DLGAP2: variants seen among roughly 807,000 people sequenced by gnomAD.
DLGAP2 encodes DLG associated protein 2.
In DLGAP2, 26 loss-of-function variants were observed where a neutral mutation model predicts 100.3. The ratio of observed to expected loss-of-function variants is 0.26; its 90% CI spans 0.19 to 0.36. The LOEUF is 0.36. DLGAP2 is among the 10% of genes least tolerant of loss of function. The pLI is 1.00. For synonymous variants in DLGAP2, 886 were observed against 630.1 expected (o/e 1.41, Z -6.08); for missense variants, 1,858 against 1,453.2 (o/e 1.28, Z -4.53).
chr8:927,841 T>TA, intron 2 of DLGAP2, among the ~76,000 whole-genome samples: 1 of 151,934 alleles, frequency 6.6e-6, no homozygotes, highest in Non-Finnish European at 1.5e-5. Context: ...AGGGCAGAGT[T>TA]CAGAGAGCTA....
intron 2 of DLGAP2, among the ~76,000 whole-genome samples, chr8:976,560 C>T (rs189914834): frequency 2.8e-4 from 42 of 152,026 alleles, no homozygotes; most frequent in Non-Finnish European, 5.1e-4. Context: ...TGCAGTGAGG[C>T]GAGATTGCGC....
At chr8:1,500,815 G>A (rs1033530543) in intron 3 of DLGAP2, among the ~76,000 whole-genome samples, 1 of 152,244 alleles carries the variant, frequency 6.6e-6, no homozygotes, top group African/African-American at 2.4e-5. Context: ...TCTCCCAACA[G>A]AGGGAAATTA....
rs778840210 is a variant in DLGAP2 at position 1,114,167 on chromosome 8, G to C, written c.74-144684G>C. Among the ~76,000 whole-genome samples the C allele has an allele frequency of 2.0e-5, 3 of 151,996 alleles. No individual in the cohort carries two copies. The South Asian group carries it at 6.2e-4, about 32-fold the overall frequency. On this transcript the variant is annotated intron_variant, in intron 2 of 14. Coordinates refer to ENST00000637795, the MANE Select transcript of DLGAP2 (RefSeq NM_001346810.2). Reference sequence around the variant, plus strand: ...TATTGGCCTGAAGTTTTCTTTTTTTGTTGTGTCTCTGCCAGGTTTTGGTAT... The same window carrying C: ...TATTGGCCTGAAGTTTTCTTTTTTTCTTGTGTCTCTGCCAGGTTTTGGTAT...
At chr8:1,465,978 G>C (rs1475215893) in intron 3 of DLGAP2, among the ~76,000 whole-genome samples, 1 of 152,220 alleles carries the variant, frequency 6.6e-6, no homozygotes, top group African/African-American at 2.4e-5. Context: ...GGAGGTCAGA[G>C]AGAGACTCCC....
intron 2 of DLGAP2, among the ~76,000 whole-genome samples, chr8:1,025,442 C>G (rs1801770079): frequency 6.6e-6 from 1 of 152,162 alleles, no homozygotes; most frequent in African/African-American, 2.4e-5. Context: ...AGCCCATTTT[C>G]TGGTTGGAAA....
intron 12 of DLGAP2, among the ~76,000 whole-genome samples, chr8:1,681,651 A>C (rs966417727): frequency 6.6e-6 from 1 of 151,722 alleles, no homozygotes; most frequent in Non-Finnish European, 1.5e-5. Context: ...CTCAAAAAAG[A>C]AAGAAAGAAA....
At chr8:912,116 A>C (rs556360334) in intron 2 of DLGAP2, among the ~76,000 whole-genome samples, 1 of 152,326 alleles carries the variant, frequency 6.6e-6, no homozygotes, top group South Asian at 2.1e-4. Context: ...GCCACGAATA[A>C]TTAGAAGTTT....
intron 4 of DLGAP2, among the ~76,000 whole-genome samples, chr8:1,540,800 T>C (rs934043328): frequency 4.6e-5 from 7 of 152,240 alleles, no homozygotes; most frequent in Non-Finnish European, 1.0e-4. Context: ...ATACAACCAT[T>C]TCTGGATAAT....
intron 10 of DLGAP2, among the ~76,000 whole-genome samples, chr8:1,671,649 G>A (rs1798693675): frequency 6.6e-6 from 1 of 152,206 alleles, no homozygotes; most frequent in African/African-American, 2.4e-5. Context: ...CGTCTAACGT[G>A]ATCCCTAATG....
intron 1 of DLGAP2, among the ~76,000 whole-genome samples, chr8:747,700 GGTCTGTGGTGGAATGAACGT>G (rs1291488842): frequency 5.4e-5 from 6 of 111,950 alleles, no homozygotes; most frequent in East Asian, 2.6e-4. Context: ...GGGATGGGCG[GGTCTGTGGTGGAATGAACGT>G]GTCTGCGGTG....
At chr8:855,455 G>C (rs1408942519) in intron 1 of DLGAP2, among the ~76,000 whole-genome samples, 1 of 152,200 alleles carries the variant, frequency 6.6e-6, no homozygotes, top group Admixed American at 6.5e-5. Flanking sequence ...AGAGAGGCAG[G>C]AGAATCAGGA....
At chr8:1,408,803 T>C (rs1796647437) in intron 3 of DLGAP2, among the ~76,000 whole-genome samples, 1 of 151,986 alleles carries the variant, frequency 6.6e-6, no homozygotes, top group Admixed American at 6.6e-5. Flanking sequence ...CGTCTGTCAC[T>C]TTCACTGCGT....
chr8:787,642 T>C (rs531991193), intron 1 of DLGAP2, among the ~76,000 whole-genome samples: 1 of 152,324 alleles, frequency 6.6e-6, no homozygotes, highest in Non-Finnish European at 1.5e-5. Flanking sequence ...GCCGGTGGCC[T>C]CTTCCCCCCT....
At chr8:1,228,042 C>T (rs985547776) in intron 2 of DLGAP2, among the ~76,000 whole-genome samples, 16 of 151,348 alleles carry the variant, frequency 1.1e-4, no homozygotes, top group African/African-American at 3.6e-4. Flanking sequence ...AACACTTGGA[C>T]ACAGGAAGGG....
chr8:1,227,571 G>A (rs1381342974), intron 2 of DLGAP2, among the ~76,000 whole-genome samples: 2 of 151,410 alleles, frequency 1.3e-5, no homozygotes, highest in Non-Finnish European at 2.9e-5. Context: ...CTGGCTCACT[G>A]CAAACTCCAC....
rs142842839 is a variant in DLGAP2, at chr8:1,676,874, G to C, written c.2288+256G>C. 4.2e-3 allele frequency among the ~76,000 whole-genome samples: 638 copies of C among 152,344 alleles called. 4 individuals carry two copies. The highest frequency in any genetic ancestry group is 0.015 in the African/African-American group (605 of 41,572). On this transcript the variant is annotated intron_variant, in intron 11 of 14. Transcript: ENST00000637795. ...CTGAAAGCAGAGCAGCTGACGGCCT[G>C]AAAGTCAGAGTCCTTGATCCAAAGG...
intron 2 of DLGAP2, among the ~76,000 whole-genome samples, chr8:1,216,051 C>T (rs543709194): frequency 1.3e-5 from 2 of 152,212 alleles, no homozygotes; most frequent in Non-Finnish European, 2.9e-5. Context: ...TCTGGTGCAT[C>T]TGTGCATTGG....
At chr8:1,315,864 G>A (rs1347766082) in intron 3 of DLGAP2, among the ~76,000 whole-genome samples, 4 of 105,944 alleles carry the variant, frequency 3.8e-5, no homozygotes, top group African/African-American at 1.1e-4. Flanking sequence ...CGAGTGCAGC[G>A]TCTCTCCAAC....
chr8:951,635 A>C (rs779125420), intron 2 of DLGAP2, among the ~76,000 whole-genome samples: 154 of 152,270 alleles, frequency 1.0e-3, no homozygotes, highest in Non-Finnish European at 1.6e-3. Context: ...GTTCATGCTC[A>C]CTATTTTTAA....
Sources: allele counts gnomAD v4.1 joint callset (sites outside exome capture counted in the v4.1 genomes callset), GRCh38; gene constraint gnomAD v4.1.1; transcripts MANE v1.5; gene names NCBI Gene and HGNC (gene_info 2026-07-23, HGNC 2026-07-21).